The following EXOC6 variants were observed in gnomAD, a reference collection of about 807,000 sequenced individuals.
EXOC6 encodes exocyst complex component 6.
A neutral mutation model predicts 112.5 loss-of-function variants in EXOC6; 60 were observed. The observed-to-expected ratio is 0.53, with a 90% CI of 0.43 to 0.66. The LOEUF (loss-of-function observed/expected upper bound fraction) is 0.66, where lower values mean the gene tolerates loss of function less well. Ranked by LOEUF, EXOC6 falls within the 30% of genes least tolerant of loss-of-function variation. EXOC6 has a pLI of 0.00. For missense variants in EXOC6, 855 were observed against 957.1 expected, an observed-to-expected ratio of 0.89 and a Z score of 1.41; for synonymous variants, 295 against 308.0, an observed-to-expected ratio of 0.96 and a Z score of 0.44.
chr10:92,828,157 T>A (rs1186647201), intron 1 of EXOC6, among the ~76,000 whole-genome samples: 2 of 152,346 alleles, frequency 1.3e-5, no homozygotes, highest in East Asian at 3.9e-4. Flanking sequence ...CAATCATGTA[T>A]TCCGCAAATA....
chr10:92,949,936 G>C (rs944331409), intron 14 of EXOC6, among the ~76,000 whole-genome samples: 1 of 152,078 alleles, frequency 6.6e-6, no homozygotes, highest in Non-Finnish European at 1.5e-5. Context: ...GCCTGTGTGG[G>C]CATTTGTGCC....
At chr10:93,001,941 A>G (rs1272317706) in intron 19 of EXOC6, among the ~76,000 whole-genome samples, 1 of 152,242 alleles carries the variant, frequency 6.6e-6, no homozygotes, top group Non-Finnish European at 1.5e-5. Flanking sequence ...CTTCTCTTTC[A>G]TATCTGATGC....
chr10:92,847,305 G>A (rs1350333971), upstream of EXOC6, among the ~76,000 whole-genome samples: 1 of 152,116 alleles, frequency 6.6e-6, no homozygotes, highest in Non-Finnish European at 1.5e-5. Flanking sequence ...AAAGAACTAG[G>A]TTCTTGCCCA....
In EXOC6 at chr10:93,019,829, T is replaced by G. The variant is rs189795002; in HGVS notation, c.2169+5562T>G. On this transcript the variant is annotated intron_variant, in intron 20 of 21. Transcript: ENST00000260762. ...AATTTCACCCAGTTCATACCGATAT[T>G]AGAGGCACAGTCTGATGGCAAATGC... Among the ~76,000 whole-genome samples the G allele has an allele frequency of 4.6e-5, 7 of 152,280 alleles. No individual in the cohort carries two copies. In the East Asian group the frequency reaches 1.4e-3, roughly 29 times the overall value.
chr10:92,891,048 G>A (rs1401036090), intron 1 of EXOC6, among the ~76,000 whole-genome samples: 1 of 152,202 alleles, frequency 6.6e-6, no homozygotes, highest in Non-Finnish European at 1.5e-5. Flanking sequence ...GCTTAGTCCA[G>A]GGTGATACCA....
intron 18 of EXOC6, among the ~76,000 whole-genome samples, chr10:92,987,099 T>G (rs1843039597): frequency 6.6e-6 from 1 of 152,248 alleles, no homozygotes; most frequent in South Asian, 2.1e-4. Context: ...TTTTGTCGTT[T>G]TTGAAGAAAT....
intron 18 of EXOC6, among the ~76,000 whole-genome samples, chr10:92,988,839 A>ACACACACACG (rs939938926): frequency 1.7e-4 from 24 of 145,322 alleles, no homozygotes; most frequent in South Asian, 8.7e-4. Flanking sequence ...ACACACACAC[A>ACACACACACG]CGCATTTCTG....
intron 20 of EXOC6, among the ~76,000 whole-genome samples, chr10:93,033,715 T>G (rs1277729870): frequency 6.6e-6 from 1 of 151,282 alleles, no homozygotes; most frequent in African/African-American, 2.4e-5. Context: ...GTGGGTAGAT[T>G]TTGATTTATT....
At chr10:92,973,617 C>T (rs1248026349) in intron 17 of EXOC6, among the ~76,000 whole-genome samples, 2 of 152,184 alleles carry the variant, frequency 1.3e-5, no homozygotes, top group Non-Finnish European at 2.9e-5. Flanking sequence ...TGCCTCCACC[C>T]CTGCTTAAAC....
intron 8 of EXOC6, among the ~76,000 whole-genome samples, chr10:92,927,994 A>G (rs1426585881): frequency 1.3e-5 from 2 of 152,200 alleles, no homozygotes; most frequent in Admixed American, 6.5e-5. Flanking sequence ...CTTGTATAAC[A>G]TGCTCAGAAG....
At chr10:92,995,731 G>C (rs1160870808) in intron 18 of EXOC6, among the ~76,000 whole-genome samples, 1 of 152,018 alleles carries the variant, frequency 6.6e-6, no homozygotes, top group South Asian at 2.1e-4. Flanking sequence ...ATCATGCTGG[G>C]TTTTGCATTG....
intron 12 of EXOC6, among the ~76,000 whole-genome samples, chr10:92,938,097 T>C (rs1852452076): frequency 6.6e-6 from 1 of 152,170 alleles, no homozygotes; most frequent in Non-Finnish European, 1.5e-5. Context: ...AAATAGTTAT[T>C]GGACTGGACT....
intron 13 of EXOC6, among the ~76,000 whole-genome samples, chr10:92,945,421 G>A (rs1255912462): frequency 1.3e-5 from 2 of 152,090 alleles, no homozygotes; most frequent in African/African-American, 2.4e-5. Flanking sequence ...TGCTTTTGGG[G>A]TTATATTTTT....
In EXOC6 at chr10:92,934,396, T is replaced by C; in HGVS notation, c.1106T>C (p.Leu369Pro). 1 of 1,600,846 alleles carries C rather than the reference T, an allele frequency of 6.2e-7. No individual in the cohort carries two copies. Among genetic ancestry groups the C allele is most frequent in the Non-Finnish European group, 8.5e-7 (1 of 1,174,740 alleles). Reference protein sequence around the residue: ...AYTDELWNMALSKIIAVLRAH... With the variant: ...AYTDELWNMAPSKIIAVLRAH... ...ACTGATGAACTTTGGAACATGGCCCTCTCAAAGATAATTGCTGTCCTTAGA... is the reference window on the plus strand; with the variant it reads ...ACTGATGAACTTTGGAACATGGCCCCCTCAAAGATAATTGCTGTCCTTAGA... Residue 369 changes from leucine to proline, a missense_variant, in exon 11 of 22, where the codon CTC becomes CCC. Leu to Pro is a moderately conservative substitution (Grantham distance 98). Around this residue, in one of 2 missense-constraint regions of EXOC6, gnomAD observed 450 missense variants for 563.5 expected, o/e 0.80. Coordinates refer to ENST00000260762, the MANE Select transcript of EXOC6 (RefSeq NM_019053.6).
intron 13 of EXOC6, among the ~76,000 whole-genome samples, chr10:92,947,789 A>C (rs574803587): frequency 6.6e-6 from 1 of 152,296 alleles, no homozygotes; most frequent in Non-Finnish European, 1.5e-5. Context: ...CCTGTAGTCC[A>C]GCTACTTGGG....
intron 20 of EXOC6, among the ~76,000 whole-genome samples, chr10:93,044,063 C>G (rs1845900849): frequency 6.6e-6 from 1 of 152,228 alleles, no homozygotes; most frequent in South Asian, 2.1e-4. Context: ...TAAGCCCTGA[C>G]TACATGATGT....
At chr10:92,915,715 A>AATG (rs1280376311) in intron 6 of EXOC6, 43 bp from the exon 7 acceptor site, 5 of 1,408,794 alleles carry the variant, frequency 3.5e-6, no homozygotes, top group Non-Finnish European at 4.7e-6. Context: ...TTTTGACCAT[A>AATG]ATCAGTTTTG....
At chr10:92,954,979 G>T (rs559667707) in intron 16 of EXOC6, among the ~76,000 whole-genome samples, 7 of 152,160 alleles carry the variant, frequency 4.6e-5, no homozygotes, top group African/African-American at 1.7e-4. Context: ...ATTGTTTGAG[G>T]TCAGGAGTTT....
chr10:93,007,728 G>A (rs1366146621), intron 19 of EXOC6, among the ~76,000 whole-genome samples: 5 of 152,102 alleles, frequency 3.3e-5, no homozygotes, highest in East Asian at 1.9e-4. Flanking sequence ...AGCTTACCCC[G>A]CATACATTAT....
Sources: allele counts gnomAD v4.1 joint callset (sites outside exome capture counted in the v4.1 genomes callset), GRCh38; gene constraint gnomAD v4.1.1; regional missense constraint gnomAD v4.1.1; transcripts MANE v1.5; gene names NCBI Gene and HGNC (gene_info 2026-07-23, HGNC 2026-07-21).